TUBGCP4: variants seen among roughly 807,000 people sequenced by gnomAD.
TUBGCP4 encodes the protein tubulin gamma complex component 4.
TUBGCP4 carries 54 observed loss-of-function variants against 91.6 expected under a neutral mutation model. The observed-to-expected ratio is 0.59, with a 90% CI of 0.47 to 0.74. The LOEUF (loss-of-function observed/expected upper bound fraction) is 0.74, where lower values mean the gene tolerates loss of function less well. Among genes scored for constraint, TUBGCP4 ranks in the 30% least tolerant of loss-of-function variants. The pLI, the probability that TUBGCP4 is intolerant of heterozygous loss-of-function variation, is 0.00. For synonymous variants in TUBGCP4, 297 were observed against 302.8 expected (o/e 0.98, Z 0.20); for missense variants, 593 against 800.9 (o/e 0.74, Z 3.13).
At chr15:43,372,527 C>G (rs1214687690) in intron 1 of TUBGCP4, among the ~76,000 whole-genome samples, 1 of 144,172 alleles carries the variant, frequency 6.9e-6, no homozygotes, top group East Asian at 2.0e-4. Flanking sequence ...GATCTTAGTA[C>G]AATGCCAGGC....
At chr15:43,396,978 A>G (rs1199506502) in intron 11 of TUBGCP4, among the ~76,000 whole-genome samples, 1 of 152,198 alleles carries the variant, frequency 6.6e-6, no homozygotes, top group Non-Finnish European at 1.5e-5. Context: ...GTTGTCTAGC[A>G]CTAACCCACT....
rs769786750 is a variant in TUBGCP4 at position 43,408,866 on chromosome 15, A to G, written c.*3652A>G. 2 of 1,610,160 alleles carry G rather than the reference A, an allele frequency of 1.2e-6. No individual in the cohort carries two copies. The highest frequency in any genetic ancestry group is 1.7e-6 in the Non-Finnish European group (2 of 1,176,530). ...TCCAAAGCTTGCTGTCCTCCTGCCT[A>G]TACAATTCTGGATGGGCTTCAAATA... On this transcript the variant is annotated 3_prime_UTR_variant, in exon 18 of 18. Coordinates refer to ENST00000564079, the MANE Select transcript of TUBGCP4 (RefSeq NM_014444.5).
At chr15:43,385,746 T>C (rs538491647) in intron 7 of TUBGCP4, 45 bp from the exon 8 acceptor site, 1 of 1,602,148 alleles carries the variant, frequency 6.2e-7, no homozygotes, top group Non-Finnish European at 8.5e-7. Context: ...GTTTTCCTTT[T>C]CTTGCTTCAC....
chr15:43,401,377 G>C (rs917125430), intron 14 of TUBGCP4, among the ~76,000 whole-genome samples: 2 of 151,374 alleles, frequency 1.3e-5, no homozygotes, highest in Non-Finnish European at 1.5e-5. Context: ...CTTGAACCCT[G>C]GTATGTGGAA....
intron 17 of TUBGCP4, 167 bp from the exon 18 acceptor site, chr15:43,405,035 T>C: frequency 1.4e-6 from 1 of 706,738 alleles, no homozygotes; most frequent in Non-Finnish European, 2.3e-6. Context: ...CTCTCTAAAA[T>C]GTCTGCAAGC....
chr15:43,387,429 T>G (rs950157789), intron 9 of TUBGCP4, among the ~76,000 whole-genome samples: 1 of 152,224 alleles, frequency 6.6e-6, no homozygotes. Flanking sequence ...CTTTCAACAT[T>G]GGCTAAGCAT....
intron 5 of TUBGCP4, 108 bp from the exon 6 acceptor site, chr15:43,379,976 C>A: frequency 1.9e-6 from 2 of 1,032,312 alleles, no homozygotes; most frequent in South Asian, 1.4e-5. Flanking sequence ...GAAAGTTTAT[C>A]CCCAGTCTCT....
chr15:43,371,527 G>T (rs1038704406), intron 1 of TUBGCP4, 95 bp downstream of exon 1: 26 of 1,263,968 alleles, frequency 2.1e-5, no homozygotes, highest in Non-Finnish European at 2.9e-5. Context: ...TAGCGAGCGG[G>T]GCTTCCAGGG....
At chr15:43,382,211 CA>C (rs59500630) in intron 6 of TUBGCP4, among the ~76,000 whole-genome samples, 12 of 131,602 alleles carry the variant, frequency 9.1e-5, no homozygotes, top group South Asian at 2.4e-4. Context: ...GACCCTGTCT[CA>C]AAAAAAAAAG....
At position 43,400,186 on chromosome 15, in the gene TUBGCP4, G is replaced by A; in HGVS notation, c.1561G>A (p.Ala521Thr). The A allele has an allele frequency of 6.2e-7, 1 of 1,614,136 alleles. No individual in the cohort carries two copies. The highest frequency in any genetic ancestry group is 8.5e-7 in the Non-Finnish European group (1 of 1,180,004). Reference sequence around the variant, plus strand: ...CAAGTGGCGCCTAAGAAATCACATGGCATTTTTGGTGGATAATCTTCAGTA... The same window carrying A: ...CAAGTGGCGCCTAAGAAATCACATGACATTTTTGGTGGATAATCTTCAGTA... ...AIKWRLRNHM[A>T]FLVDNLQYYL... The change falls in exon 14 of 18, where the codon GCA becomes ACA. Residue 521 changes from alanine to threonine, a missense_variant. Ala to Thr is a moderately conservative substitution (Grantham distance 58). Transcript: ENST00000564079.
intron 14 of TUBGCP4, 44 bp from the exon 15 acceptor site, chr15:43,401,672 C>A: frequency 6.2e-7 from 1 of 1,605,942 alleles, no homozygotes; most frequent in Non-Finnish European, 8.5e-7. Flanking sequence ...TCTTCGAGTG[C>A]TTAGAATATG....
Position 43,377,830 on chromosome 15 carries a change from T to C in TUBGCP4, c.385-17T>C. ...ACATTTGATTACATACCCTTCTAAT[T>C]ATTCTCTACTTTGCAGTTCCAGCTT... On this transcript the variant is annotated splice_polypyrimidine_tract_variant and intron_variant, in intron 4 of 17. Coordinates refer to ENST00000564079, the MANE Select transcript of TUBGCP4 (RefSeq NM_014444.5). 1.9e-6 allele frequency: 3 copies of C among 1,586,910 alleles called. No homozygotes were observed. In the South Asian group the frequency reaches 3.5e-5, roughly 18 times the overall value.
At chr15:43,397,884 G>A (rs917076161) in intron 12 of TUBGCP4, among the ~76,000 whole-genome samples, 157 bp from the exon 13 acceptor site, 1 of 152,156 alleles carries the variant, frequency 6.6e-6, no homozygotes, top group African/African-American at 2.4e-5. Flanking sequence ...GCTAATTTAT[G>A]TATTTTTAGT....
At chr15:43,391,031 A>G (rs533922057) in intron 9 of TUBGCP4, among the ~76,000 whole-genome samples, 39 of 145,470 alleles carry the variant, frequency 2.7e-4, no homozygotes, top group African/African-American at 9.2e-4. Flanking sequence ...TTTTTGAGAC[A>G]CAGTCTTATT....
chr15:43,407,387 T>C lies in TUBGCP4; in HGVS notation c.*2173T>C. 6.2e-7 allele frequency: 1 copy of C among 1,613,558 alleles called. No individual in the cohort carries two copies. Among genetic ancestry groups the C allele is most frequent in the Non-Finnish European group, 8.5e-7 (1 of 1,179,482 alleles). On this transcript the variant is annotated 3_prime_UTR_variant, in exon 18 of 18. Coordinates refer to ENST00000564079, the MANE Select transcript of TUBGCP4 (RefSeq NM_014444.5). ...AACCAGTAAGACCAAGTATCTTTAG[T>C]GAGAAACATAATCGTGTTTATATTT...
chr15:43,394,767 T>TC (rs1046735841), intron 9 of TUBGCP4: 5 of 329,420 alleles, frequency 1.5e-5, no homozygotes, highest in African/African-American at 1.1e-4. Context: ...CCTTGCTCTC[T>TC]CTTGCTCCTA....
In TUBGCP4 at chr15:43,371,238, A is replaced by T; in HGVS notation, c.-117A>T. 29 of 1,058,920 alleles carry T rather than the reference A, an allele frequency of 2.7e-5. No homozygotes were observed. The highest frequency in any genetic ancestry group is 3.5e-5 in the Non-Finnish European group (25 of 711,774). 65.6% of individuals were successfully genotyped at this position (1,058,920 alleles called of 1,614,324 possible). On this transcript the variant is annotated 5_prime_UTR_variant, in exon 1 of 18. Coordinates refer to ENST00000564079, the MANE Select transcript of TUBGCP4 (RefSeq NM_014444.5). ...GTCTCGGTGGGTTGATTCGGCACAA[A>T]CCGCCCGACCCAGGGGCCGGTGCGC...
intron 9 of TUBGCP4, among the ~76,000 whole-genome samples, chr15:43,389,962 C>T (rs1046905428): frequency 2.0e-5 from 3 of 151,942 alleles, no homozygotes; most frequent in Admixed American, 1.3e-4. Context: ...TTTATTCCCT[C>T]TCAGAAGAAC....
intron 15 of TUBGCP4, chr15:43,402,321 T>G (rs751739689): frequency 6.5e-6 from 1 of 153,484 alleles, no homozygotes; most frequent in Non-Finnish European, 1.4e-5. Flanking sequence ...AAAGCAAAAC[T>G]AAAAAGGCAT....
Sources: allele counts gnomAD v4.1 joint callset (sites outside exome capture counted in the v4.1 genomes callset), GRCh38; gene constraint gnomAD v4.1.1; transcripts MANE v1.5; gene names NCBI Gene and HGNC (gene_info 2026-07-23, HGNC 2026-07-21).